TRPC7: variants seen among roughly 807,000 people sequenced by gnomAD.
TRPC7 encodes the protein short transient receptor potential channel 7.
Under a neutral mutation model 90.1 loss-of-function variants are expected in TRPC7, and 42 were observed. That is an observed-to-expected ratio of 0.47 (90% confidence interval 0.36 to 0.60). The LOEUF (loss-of-function observed/expected upper bound fraction) is 0.60, where lower values mean the gene tolerates loss of function less well. TRPC7 is among the 20% of genes least tolerant of loss of function. The probability of loss-of-function intolerance (pLI) is 0.00; values close to 1 mark genes in which losing one functional copy is unlikely to be tolerated. For missense variants in TRPC7, 955 were observed against 1,112.3 expected, an observed-to-expected ratio of 0.86 and a Z score of 2.01; for synonymous variants, 451 against 436.3, an observed-to-expected ratio of 1.03 and a Z score of -0.42.
chr5:136,275,625 C>A (rs1365114521), intron 3 of TRPC7, among the ~76,000 whole-genome samples: 2 of 152,130 alleles, frequency 1.3e-5, no homozygotes, highest in African/African-American at 4.8e-5. Flanking sequence ...AACTGTTCTG[C>A]CCTAATGCTT....
At chr5:136,301,555 C>T (rs1304334283) in intron 3 of TRPC7, among the ~76,000 whole-genome samples, 1 of 151,992 alleles carries the variant, frequency 6.6e-6, no homozygotes, top group Non-Finnish European at 1.5e-5. Context: ...TGTAATCTCC[C>T]CCACCCTTAA....
intron 3 of TRPC7, among the ~76,000 whole-genome samples, chr5:136,298,125 A>G (rs1758246022): frequency 6.6e-6 from 1 of 152,230 alleles, no homozygotes; most frequent in South Asian, 2.1e-4. Context: ...AATGATATTC[A>G]CTGGGATAGA....
At chr5:136,282,875 A>G (rs1463447633) in intron 3 of TRPC7, among the ~76,000 whole-genome samples, 1 of 152,224 alleles carries the variant, frequency 6.6e-6, no homozygotes, top group Non-Finnish European at 1.5e-5. Context: ...AATGGAGGAC[A>G]CAGTGAACAA....
chr5:136,241,638 C>T (rs1028433067), intron 7 of TRPC7, among the ~76,000 whole-genome samples: 1 of 152,148 alleles, frequency 6.6e-6, no homozygotes, highest in South Asian at 2.1e-4. Flanking sequence ...TTACTGCAAC[C>T]TCCGCCTCCC....
chr5:136,263,713 A>T (rs1756937636), intron 5 of TRPC7, among the ~76,000 whole-genome samples: 1 of 152,248 alleles, frequency 6.6e-6, no homozygotes, highest in Non-Finnish European at 1.5e-5. Context: ...AGGAAAAAAT[A>T]TCAGCGACTG....
chr5:136,309,991 T>C (rs995943783), intron 3 of TRPC7, among the ~76,000 whole-genome samples: 1 of 152,140 alleles, frequency 6.6e-6, no homozygotes, highest in East Asian at 1.9e-4. Flanking sequence ...TGGCTCCCCA[T>C]TGTTCTTTAG....
At chr5:136,318,539 C>A (rs1484881432) in intron 2 of TRPC7, among the ~76,000 whole-genome samples, 2 of 152,188 alleles carry the variant, frequency 1.3e-5, no homozygotes, top group Non-Finnish European at 2.9e-5. Context: ...TCACATCAGT[C>A]TCCCAACATG....
intron 1 of TRPC7, among the ~76,000 whole-genome samples, chr5:136,364,796 G>GA (rs982354789): frequency 6.6e-6 from 1 of 152,130 alleles, no homozygotes; most frequent in African/African-American, 2.4e-5. Flanking sequence ...AAGAAGAAAA[G>GA]AAAAATGACA....
intron 2 of TRPC7, among the ~76,000 whole-genome samples, chr5:136,345,107 A>G (rs894182536): frequency 6.6e-6 from 1 of 152,210 alleles, no homozygotes; most frequent in Non-Finnish European, 1.5e-5. Context: ...AAATATATCA[A>G]AAAGGTTGCT....
At chr5:136,333,659 C>T (rs903484661) in intron 2 of TRPC7, among the ~76,000 whole-genome samples, 4 of 152,044 alleles carry the variant, frequency 2.6e-5, no homozygotes, top group Non-Finnish European at 4.4e-5. Context: ...TCTGGTCAAG[C>T]GCAGTGGTGG....
intron 3 of TRPC7, among the ~76,000 whole-genome samples, chr5:136,287,709 A>AAAAAAAAAAAAAAAAAAAAAAC: frequency 6.9e-6 from 1 of 145,332 alleles, no homozygotes; most frequent in Non-Finnish European, 1.5e-5. Context: ...AAAAAAAAAA[A>AAAAAAAAAAAAAAAAAAAAAAC]AAAAAAAAAA....
chr5:136,298,729 C>G (rs1039236709), intron 3 of TRPC7, among the ~76,000 whole-genome samples: 1 of 152,178 alleles, frequency 6.6e-6, no homozygotes, highest in Non-Finnish European at 1.5e-5. Flanking sequence ...CCAAGTCAAG[C>G]TGAAGTTAGA....
chr5:136,317,293 A>G (rs1050052158), intron 2 of TRPC7, among the ~76,000 whole-genome samples: 47 of 151,882 alleles, frequency 3.1e-4, no homozygotes, highest in Non-Finnish European at 5.6e-4. Flanking sequence ...TCCAACCCTA[A>G]CACTCACCCA....
At chr5:136,345,781 A>G (rs1759987827) in intron 2 of TRPC7, among the ~76,000 whole-genome samples, 1 of 152,106 alleles carries the variant, frequency 6.6e-6, no homozygotes, top group African/African-American at 2.4e-5. Flanking sequence ...GCCCATGCCT[A>G]TGTCCTGAAT....
At chr5:136,277,245 T>C (rs770568468) in intron 3 of TRPC7, among the ~76,000 whole-genome samples, 4 of 152,236 alleles carry the variant, frequency 2.6e-5, no homozygotes, top group African/African-American at 7.2e-5. Context: ...AGGAAGACAG[T>C]GGTCCCAGCT....
chr5:136,361,000 C>T (rs557544066), intron 1 of TRPC7, among the ~76,000 whole-genome samples: 3 of 152,178 alleles, frequency 2.0e-5, no homozygotes, highest in African/African-American at 4.8e-5. Flanking sequence ...ACATATCACA[C>T]GGGTTGGAAA....
chr5:136,248,370 C>A (rs1339731672), intron 6 of TRPC7, among the ~76,000 whole-genome samples: 1 of 152,216 alleles, frequency 6.6e-6, no homozygotes, highest in Admixed American at 6.5e-5. Context: ...GAAATGAAAT[C>A]ATACATGTAA....
At chr5:136,226,414 G>A (rs2149795202) in intron 8 of TRPC7, 159 bp from the exon 9 acceptor site, 1 of 621,032 alleles carries the variant, frequency 1.6e-6, no homozygotes, top group South Asian at 2.0e-5. Context: ...AGGGGAGTTT[G>A]CTCTCACTAA....
At chr5:136,289,907 G>A (rs1491003292) in intron 3 of TRPC7, among the ~76,000 whole-genome samples, 2 of 152,206 alleles carry the variant, frequency 1.3e-5, no homozygotes, top group Non-Finnish European at 2.9e-5. Flanking sequence ...GGGGTGGATT[G>A]ACACCTCACA....
Sources: gnomAD v4.1 joint callset for allele counts (sites outside exome capture counted in the v4.1 genomes callset) on GRCh38, gnomAD v4.1.1 for gene constraint, MANE v1.5 for transcripts, NCBI Gene and HGNC (gene_info 2026-07-23, HGNC 2026-07-21) for gene names.